The following RANBP2 variants were observed in gnomAD, a reference collection of about 807,000 sequenced individuals.
RANBP2 encodes RAN binding protein 2, also known as E3 SUMO-protein ligase RanBP2.
Under a neutral mutation model 303.6 loss-of-function variants are expected in RANBP2, and 57 were observed. The ratio of observed to expected loss-of-function variants is 0.19; its 90% CI spans 0.15 to 0.23. The LOEUF is 0.23. RANBP2 is among the 10% of genes least tolerant of loss of function. The pLI is 1.00. For synonymous variants in RANBP2, 1,167 were observed against 1,301.5 expected (o/e 0.90, Z 2.23); for missense variants, 3,138 against 3,780.8 (o/e 0.83, Z 4.46).
the RANBP2 span, among the ~76,000 whole-genome samples, chr2:108,857,279 A>T: frequency 6.6e-6 from 1 of 151,880 alleles, no homozygotes; most frequent in African/African-American, 2.4e-5. Flanking sequence ...GGGTTTCACC[A>T]TGTTGGCCAG....
the RANBP2 span, among the ~76,000 whole-genome samples, chr2:109,131,870 A>G: frequency 2.0e-5 from 3 of 152,210 alleles, no homozygotes; most frequent in African/African-American, 7.2e-5. Context: ...ATAGACGAGC[A>G]CTTATTTAAC....
chr2:109,020,234 CAAAGT>C, the RANBP2 span, among the ~76,000 whole-genome samples: 37 of 152,148 alleles, frequency 2.4e-4, no homozygotes, highest in Non-Finnish European at 4.9e-4. Flanking sequence ...CGCACACAGG[CAAAGT>C]AAACAGCAGA....
chr2:109,052,308 C>T, the RANBP2 span, among the ~76,000 whole-genome samples: 2 of 152,124 alleles, frequency 1.3e-5, no homozygotes, highest in Non-Finnish European at 2.9e-5. Flanking sequence ...TCATTCATTT[C>T]AATAAAAATA....
the RANBP2 span, among the ~76,000 whole-genome samples, chr2:109,416,308 G>T: frequency 6.6e-6 from 1 of 151,964 alleles, no homozygotes; most frequent in Admixed American, 6.5e-5. Context: ...AGAATTACAT[G>T]TCCAGGCTGG....
the RANBP2 span, chr2:109,618,940 T>C: frequency 1.2e-5 from 2 of 167,096 alleles, no homozygotes; most frequent in Admixed American, 6.5e-5. Flanking sequence ...ATTTGGGAGA[T>C]TGTAAAATCT....
chr2:109,581,788 A>G, the RANBP2 span, among the ~76,000 whole-genome samples: 60 of 152,226 alleles, frequency 3.9e-4, no homozygotes, highest in Non-Finnish European at 7.3e-5. Context: ...TGAGCTCACC[A>G]TTCTTATTTC....
chr2:108,829,647 G>C, the RANBP2 span, among the ~76,000 whole-genome samples: 2 of 152,218 alleles, frequency 1.3e-5, no homozygotes, highest in Non-Finnish European at 1.5e-5. Context: ...TTGGGAGGCT[G>C]AGGCATGGGA....
chr2:109,590,035 T>TAC, the RANBP2 span, among the ~76,000 whole-genome samples: 1,405 of 147,984 alleles, frequency 9.5e-3, 60 homozygotes, highest in East Asian at 0.12. Context: ...CACACATATA[T>TAC]ACACACATAT....
chr2:109,128,663 G>GCCCGGGCGTCGGCTGTGTC, the RANBP2 span: 3 of 161,644 alleles, frequency 1.9e-5, no homozygotes, highest in African/African-American at 7.2e-5. Flanking sequence ...CGGGGAGGAT[G>GCCCGGGCGTCGGCTGTGTC]CCCGGGCGTC....
the RANBP2 span, among the ~76,000 whole-genome samples, chr2:108,933,051 A>G: frequency 1.3e-5 from 2 of 152,192 alleles, no homozygotes; most frequent in African/African-American, 4.8e-5. Context: ...ATTGCAACAA[A>G]TAAACACCCA....
the RANBP2 span, among the ~76,000 whole-genome samples, chr2:108,955,569 G>A: frequency 6.6e-6 from 1 of 151,860 alleles, no homozygotes; most frequent in African/African-American, 2.4e-5. Context: ...CCAACATGGT[G>A]TGGTGGCACT....
At chr2:109,454,737 G>A in the RANBP2 span, among the ~76,000 whole-genome samples, 325 of 152,272 alleles carry the variant, frequency 2.1e-3, 2 homozygotes, top group Non-Finnish European at 1.9e-3. Flanking sequence ...GTACACTGGG[G>A]AGCTTCTGTG....
the RANBP2 span, among the ~76,000 whole-genome samples, chr2:109,361,332 A>C: frequency 6.6e-6 from 1 of 152,222 alleles, no homozygotes; most frequent in Non-Finnish European, 1.5e-5. Flanking sequence ...CGTTAACCTC[A>C]TAGAAGTTAG....
chr2:109,267,889 G>C, the RANBP2 span, among the ~76,000 whole-genome samples: 1 of 150,568 alleles, frequency 6.6e-6, no homozygotes, highest in East Asian at 2.1e-4. Flanking sequence ...AGGGGAGAAA[G>C]GAGCTGCTGC....
At chr2:109,550,610 G>A in the RANBP2 span, among the ~76,000 whole-genome samples, 69 of 152,144 alleles carry the variant, frequency 4.5e-4, no homozygotes, top group Non-Finnish European at 8.1e-4. Context: ...CACCACGCCC[G>A]GCCCCATTTT....
chr2:108,941,234 A>G, the RANBP2 span, among the ~76,000 whole-genome samples: 41 of 152,142 alleles, frequency 2.7e-4, no homozygotes, highest in African/African-American at 9.4e-4. Flanking sequence ...CCATTTGCCC[A>G]TTCCATTTGT....
chr2:108,815,182 T>C, the RANBP2 span, among the ~76,000 whole-genome samples: 1 of 151,188 alleles, frequency 6.6e-6, no homozygotes, highest in African/African-American at 2.5e-5. Flanking sequence ...AAAGTAACAA[T>C]TTTTGTGAGA....
chr2:109,033,940 G>C, the RANBP2 span, among the ~76,000 whole-genome samples: 4 of 146,590 alleles, frequency 2.7e-5, no homozygotes, highest in Non-Finnish European at 6.0e-5. Context: ...TGGCGACAGA[G>C]GGAGACCCTG....
the RANBP2 span, among the ~76,000 whole-genome samples, chr2:109,394,239 A>G: frequency 6.6e-6 from 1 of 152,220 alleles, no homozygotes; most frequent in African/African-American, 2.4e-5. Context: ...TGGGGAGACA[A>G]AGTGTTGGGA....
Sources: gnomAD v4.1 joint callset for allele counts (sites outside exome capture counted in the v4.1 genomes callset) on GRCh38, gnomAD v4.1.1 for gene constraint, MANE v1.5 for transcripts, NCBI Gene and HGNC (gene_info 2026-07-23, HGNC 2026-07-21) for gene names.